Variants in NDUFB6 observed in about 807,000 individuals in gnomAD.
NDUFB6 encodes NADH dehydrogenase [ubiquinone] 1 beta subcomplex subunit 6.
Under a neutral mutation model 17.5 loss-of-function variants are expected in NDUFB6, and 23 were observed. The ratio of observed to expected loss-of-function variants is 1.31; its 90% confidence interval spans 0.94 to 1.86. The LOEUF (loss-of-function observed/expected upper bound fraction) is 1.86, where lower values mean the gene tolerates loss of function less well. Ranked by LOEUF, NDUFB6 falls within the 40% of genes most tolerant of loss-of-function variation. NDUFB6 has a pLI of 0.00. For missense variants in NDUFB6, 167 were observed against 153.8 expected, an observed-to-expected ratio of 1.09 and a Z score of -0.46; for synonymous variants, 60 against 53.5, an observed-to-expected ratio of 1.12 and a Z score of -0.53.
rs946867032 is a variant in NDUFB6, at chr9:32,566,576, C to T, written c.273+4384G>A. 104 of 782,988 alleles carry T rather than the reference C, an allele frequency of 1.3e-4. 1 individual carries two copies. In the Middle Eastern group the frequency reaches 1.6e-3, roughly 12 times the overall value. The allele number at this position is 782,988 out of a possible 1,614,324, so 48.5% of individuals were successfully genotyped here. The stretch of plus-strand genomic sequence containing the variant: ...CGTCGTACTGCACAGACTGGAGCTT[C>T]TGGCACATGGAGCGGAGGACCCGCA... On this transcript the variant is annotated intron_variant, in intron 2 of 3. Transcript: ENST00000379847.
intron 2 of NDUFB6, among the ~76,000 whole-genome samples, chr9:32,561,886 T>G (rs1250361342): frequency 6.6e-6 from 1 of 152,246 alleles, no homozygotes; most frequent in Non-Finnish European, 1.5e-5. Flanking sequence ...CCAGCTGATC[T>G]GCCCTGCTGT....
Position 32,553,844 on chromosome 9 carries a change from G to A in NDUFB6, c.*32C>T. On this transcript the variant is annotated 3_prime_UTR_variant, in exon 4 of 4. Coordinates refer to ENST00000379847, the MANE Select transcript of NDUFB6 (RefSeq NM_002493.5). Reference sequence around the variant, plus strand: ...TATGGTAATATAGGAACAAACTTAGGCTCATAAGCCTTTTAACTTTTTACA... The same window carrying A: ...TATGGTAATATAGGAACAAACTTAGACTCATAAGCCTTTTAACTTTTTACA... 2.2e-6 allele frequency: 3 copies of A among 1,389,916 alleles called. No individual in the cohort carries two copies. Among genetic ancestry groups the A allele is most frequent in the Non-Finnish European group, 3.0e-6 (3 of 983,848 alleles). 86.1% of individuals were successfully genotyped at this position (1,389,916 alleles called of 1,614,324 possible). A position where few individuals can be genotyped will look rare whatever the true frequency, so the allele number is the denominator to read the frequency against.
chr9:32,555,176 T>A (rs536305239), intron 3 of NDUFB6, among the ~76,000 whole-genome samples: 12 of 151,276 alleles, frequency 7.9e-5, no homozygotes, highest in Admixed American at 1.3e-4. Flanking sequence ...ACTTTGGGAG[T>A]CCAAGGCAGG....
intron 2 of NDUFB6, chr9:32,566,056 G>C: frequency 2.6e-6 from 1 of 381,268 alleles, no homozygotes; most frequent in Non-Finnish European, 4.7e-6. Context: ...TTTTCCAGGA[G>C]CTACTGGAGT....
intron 2 of NDUFB6, among the ~76,000 whole-genome samples, chr9:32,562,307 GTACTTGTTAA>G (rs1821648691): frequency 6.6e-6 from 1 of 152,106 alleles, no homozygotes; most frequent in Admixed American, 6.5e-5. Flanking sequence ...TAGGCACTCC[GTACTTGTTAA>G]TCAAGGGGCT....
At position 32,553,917 on chromosome 9, in the gene NDUFB6, C is replaced by T. The variant is rs190587227; in HGVS notation, c.346G>A (p.Val116Ile). Residue 116 changes from valine to isoleucine, a missense_variant, in exon 4 of 4, where the codon GTA (valine) becomes ATA (isoleucine). By Grantham distance (29) the Val-to-Ile change is conservative. Transcript: ENST00000379847. ...PGDTILETGE[V>I]IPPMKEFPDQ... ...GGAAATTCTTTCATTGGTGGAATTA[C>T]TTCTCCAGTCTCCAGAATTGTATCA... 21 of 1,598,340 alleles carry T rather than the reference C, an allele frequency of 1.3e-5. No homozygotes were observed. Among genetic ancestry groups the T allele is most frequent in the Admixed American group, 6.8e-5 (4 of 59,212 alleles).
At chr9:32,570,866 G>A in intron 2 of NDUFB6, 94 bp downstream of exon 2, 1 of 716,396 alleles carries the variant, frequency 1.4e-6, no homozygotes, top group South Asian at 2.4e-5. Context: ...CTGTTTATAA[G>A]TGGCAGATTA....
chr9:32,560,658 A>C (rs1326404963), intron 2 of NDUFB6, among the ~76,000 whole-genome samples: 3 of 152,338 alleles, frequency 2.0e-5, no homozygotes, highest in African/African-American at 7.2e-5. Flanking sequence ...TTTACCATAT[A>C]AATACTTCGA....
rs538733081 is a variant in NDUFB6, at chr9:32,571,622, C to G, written c.181-570G>C. ...AACTAAAAATGGAACTTTCCCATGT[C>G]TTCCAACTTGATTAAAAAACACCTA... On this transcript the variant is annotated intron_variant, in intron 1 of 3. Coordinates refer to ENST00000379847, the MANE Select transcript of NDUFB6 (RefSeq NM_002493.5). 6.6e-5 allele frequency among the ~76,000 whole-genome samples: 10 copies of G among 152,308 alleles called. 1 individual carries two copies. In the South Asian group the frequency reaches 2.1e-3, roughly 32 times the overall value.
In NDUFB6 at chr9:32,553,237, C is replaced by T. The variant is rs755455330; in HGVS notation, c.*639G>A. The T allele has an allele frequency of 7.8e-4, 168 of 215,196 alleles. No individual in the cohort carries two copies. The highest frequency in any genetic ancestry group is 1.1e-3 in the Non-Finnish European group (116 of 106,848). 13.3% of individuals were successfully genotyped at this position (215,196 alleles called of 1,614,324 possible). On this transcript the variant is annotated 3_prime_UTR_variant, in exon 4 of 4. Coordinates refer to ENST00000379847, the MANE Select transcript of NDUFB6 (RefSeq NM_002493.5). The stretch of plus-strand genomic sequence containing the variant: ...TGAGACGGAGTCTTGCTCTGTCGCC[C>T]AGGCTCAGTGGCACTATCTCGGCTT...
intron 2 of NDUFB6, among the ~76,000 whole-genome samples, chr9:32,565,210 T>G (rs540535452): frequency 6.6e-6 from 1 of 151,528 alleles, no homozygotes; most frequent in Non-Finnish European, 1.5e-5. Flanking sequence ...GGAGAATCAC[T>G]TGAACCCAGG....
At position 32,572,233 on chromosome 9, in the gene NDUFB6, A is replaced by G. The variant is rs137981069; in HGVS notation, c.180+648T>C. Among the ~76,000 whole-genome samples, 740 of 152,376 alleles carry G rather than the reference A, an allele frequency of 4.9e-3. 5 individuals are homozygous for G. The highest frequency in any genetic ancestry group is 0.017 in the African/African-American group (702 of 41,584). On this transcript the variant is annotated intron_variant, in intron 1 of 3. Transcript: ENST00000379847. ...AGCAATTCTGAGATGTTTATCATCCATAACAGTCCTCAAGAAAATACCCAG... is the reference window on the plus strand; with the variant it reads ...AGCAATTCTGAGATGTTTATCATCCGTAACAGTCCTCAAGAAAATACCCAG...
intron 2 of NDUFB6, chr9:32,566,555 G>T: frequency 1.3e-6 from 1 of 776,772 alleles, no homozygotes; most frequent in Non-Finnish European, 2.4e-6. Context: ...AGCTGCCGTC[G>T]TACTGCACAG....
chr9:32,571,726 A>C (rs1821944778), intron 1 of NDUFB6, among the ~76,000 whole-genome samples: 1 of 150,684 alleles, frequency 6.6e-6, no homozygotes, highest in African/African-American at 2.4e-5. Flanking sequence ...AAGTAAGGTA[A>C]GGTGAACTTC....
At chr9:32,564,421 CA>C (rs1288104899) in intron 2 of NDUFB6, among the ~76,000 whole-genome samples, 1 of 151,976 alleles carries the variant, frequency 6.6e-6, no homozygotes, top group Non-Finnish European at 1.5e-5. Context: ...CCGAGACAAG[CA>C]ACTCTATCAG....
chr9:32,560,429 T>C (rs1384241353), intron 2 of NDUFB6, among the ~76,000 whole-genome samples: 1 of 152,202 alleles, frequency 6.6e-6, no homozygotes, highest in Admixed American at 6.5e-5. Flanking sequence ...TTAGATATGA[T>C]AAAGTAAGTT....
At chr9:32,555,983 G>A (rs978858436) in intron 3 of NDUFB6, among the ~76,000 whole-genome samples, 2 of 152,220 alleles carry the variant, frequency 1.3e-5, no homozygotes, top group Admixed American at 1.3e-4. Context: ...TGGGGGACAA[G>A]GATACAGTTA....
At chr9:32,566,261 T>G in intron 2 of NDUFB6, 1 of 1,104,228 alleles carries the variant, frequency 9.1e-7, no homozygotes, top group South Asian at 1.2e-5. Context: ...ACAACACTAA[T>G]TTTAGGTTCT....
Position 32,553,576 on chromosome 9 carries a change from C to T in NDUFB6, c.*300G>A, listed in dbSNP as rs1474215598. 6.8e-6 allele frequency: 2 copies of T among 292,430 alleles called. No individual in the cohort carries two copies. The highest frequency in any genetic ancestry group is 2.2e-5 in the African/African-American group (1 of 44,788). 18.1% of individuals were successfully genotyped at this position (292,430 alleles called of 1,614,324 possible). On this transcript the variant is annotated 3_prime_UTR_variant, in exon 4 of 4. Transcript: ENST00000379847. ...ATTTCACTGTTGCATACCCTGATAC[C>T]AAATTAGTGTAAGTACTGTGTAAGA...
Sources: gnomAD v4.1 joint callset for allele counts (sites outside exome capture counted in the v4.1 genomes callset) on GRCh38, gnomAD v4.1.1 for gene constraint, MANE v1.5 for transcripts, NCBI Gene and HGNC (gene_info 2026-07-23, HGNC 2026-07-21) for gene names.